ZCCHC7: variants seen among roughly 807,000 people sequenced by gnomAD.
The protein encoded by ZCCHC7 is zinc finger CCHC domain-containing protein 7.
Under a neutral mutation model 52.0 loss-of-function variants are expected in ZCCHC7, and 35 were observed. The observed-to-expected ratio is 0.67, with a 90% CI of 0.51 to 0.89. The LOEUF (loss-of-function observed/expected upper bound fraction) is 0.89, where lower values mean the gene tolerates loss of function less well. Ranked by LOEUF, ZCCHC7 falls within the 40% of genes least tolerant of loss-of-function variation. The pLI, the probability that ZCCHC7 is intolerant of heterozygous loss-of-function variation, is 0.00. For synonymous variants in ZCCHC7, 217 were observed against 221.5 expected (o/e 0.98, Z 0.18); for missense variants, 574 against 649.1 (o/e 0.88, Z 1.26).
intron 6 of ZCCHC7, among the ~76,000 whole-genome samples, chr9:37,330,544 A>G (rs1830413522): frequency 6.6e-6 from 1 of 151,644 alleles, no homozygotes; most frequent in Admixed American, 6.6e-5. Flanking sequence ...GAGACCATGA[A>G]AAAAAGAAAA....
intron 2 of ZCCHC7, among the ~76,000 whole-genome samples, chr9:37,279,604 A>T (rs1827853242): frequency 6.6e-6 from 1 of 152,012 alleles, no homozygotes; most frequent in African/African-American, 2.4e-5. Context: ...TATGCCTGTA[A>T]TCCTAGCACT....
At chr9:37,224,331 A>G (rs1824984686) in intron 2 of ZCCHC7, among the ~76,000 whole-genome samples, 1 of 152,144 alleles carries the variant, frequency 6.6e-6, no homozygotes, top group African/African-American at 2.4e-5. Flanking sequence ...CAACTATCCC[A>G]GGAATTGGAA....
intron 2 of ZCCHC7, among the ~76,000 whole-genome samples, chr9:37,301,233 G>C (rs1181474716): frequency 6.6e-6 from 1 of 152,212 alleles, no homozygotes; most frequent in Non-Finnish European, 1.5e-5. Flanking sequence ...CTGGAGAAAA[G>C]ATAAGGTTTA....
chr9:37,145,570 G>C lies in ZCCHC7; in HGVS notation c.610+18628G>C, dbSNP rs1671798323. ...AGTTCTGGGATAAAGATAGTTGTCA[G>C]GTGTAAACAAGCCTTAATTGAAAAG... On this transcript the variant is annotated intron_variant, in intron 2 of 8. Transcript: ENST00000336755. 2.0e-5 allele frequency among the ~76,000 whole-genome samples: 3 copies of C among 151,956 alleles called. No homozygotes were observed. The South Asian group carries it at 6.2e-4, about 32-fold the overall frequency.
chr9:37,243,447 C>A (rs1411307557), intron 2 of ZCCHC7, among the ~76,000 whole-genome samples: 3 of 151,750 alleles, frequency 2.0e-5, no homozygotes, highest in Non-Finnish European at 4.4e-5. Context: ...TTGGCAAAAT[C>A]TTACTTTTTG....
intron 2 of ZCCHC7, among the ~76,000 whole-genome samples, chr9:37,290,489 G>A (rs1372408421): frequency 6.6e-6 from 1 of 151,948 alleles, no homozygotes; most frequent in Non-Finnish European, 1.5e-5. Context: ...ATCCCCATCT[G>A]TACAAAAAAT....
intron 2 of ZCCHC7, chr9:37,147,506 C>T (rs903867226): frequency 6.6e-6 from 1 of 150,728 alleles, no homozygotes; most frequent in African/African-American, 2.4e-5. Flanking sequence ...AAACAAATCC[C>T]AAGAAAATAA....
intron 2 of ZCCHC7, among the ~76,000 whole-genome samples, chr9:37,164,075 A>C (rs1479345094): frequency 1.0e-4 from 15 of 150,426 alleles, no homozygotes; most frequent in Non-Finnish European, 1.9e-4. Context: ...GATAGTGTTA[A>C]TCCTCCAACT....
intron 2 of ZCCHC7, among the ~76,000 whole-genome samples, chr9:37,171,995 A>G (rs935894442): frequency 3.3e-5 from 5 of 152,278 alleles, no homozygotes; most frequent in African/African-American, 1.2e-4. Flanking sequence ...TTTTTCTATC[A>G]AATTCATTAA....
chr9:37,301,416 G>A (rs1829025410), intron 2 of ZCCHC7, among the ~76,000 whole-genome samples: 1 of 152,130 alleles, frequency 6.6e-6, no homozygotes, highest in Admixed American at 6.5e-5. Context: ...GGGTGACATG[G>A]TGAAACCCTG....
At position 37,306,762 on chromosome 9, in the gene ZCCHC7, C is replaced by CTTTTTTTTTTT. The variant is rs869292704; in HGVS notation, c.951+1080_951+1090dup. 2.5e-4 allele frequency among the ~76,000 whole-genome samples: 13 copies of CTTTTTTTTTTT among 52,032 alleles called. 2 individuals carry two copies. Among genetic ancestry groups the CTTTTTTTTTTT allele is most frequent in the East Asian group, 1.4e-3 (2 of 1,458 alleles). The allele number at this position is 52,032 out of a possible 152,430, so 34.1% of individuals were successfully genotyped here. A position where few individuals can be genotyped will look rare whatever the true frequency, so the allele number is the denominator to read the frequency against. On this transcript the variant is annotated intron_variant, in intron 5 of 8. Transcript: ENST00000336755. ...ACAGGCATGAGCCACTGTACCCGAC[C>CTTTTTTTTTTT]TTTTTTTTTTTTTTTTTTTTTTTTT...
At chr9:37,212,026 CAAAAAAAAAAAAAAAAAAA>C (rs574190937) in intron 2 of ZCCHC7, among the ~76,000 whole-genome samples, 37 of 55,426 alleles carry the variant, frequency 6.7e-4, no homozygotes, top group East Asian at 4.2e-3. Context: ...GACTCCGTCT[CAAAAAAAAAAAAAAAAAAA>C]AAAAAAAAAA....
At chr9:37,320,943 T>G (rs1830021989) in intron 5 of ZCCHC7, among the ~76,000 whole-genome samples, 1 of 151,788 alleles carries the variant, frequency 6.6e-6, no homozygotes, top group Admixed American at 6.6e-5. Flanking sequence ...ATTAAGTATT[T>G]GTTATTTATG....
Position 37,293,968 on chromosome 9 carries a change from C to T in ZCCHC7, c.611-8220C>T, listed in dbSNP as rs879253268. Among the ~76,000 whole-genome samples the T allele has an allele frequency of 3.9e-5, 6 of 152,114 alleles. 1 individual carries two copies. Among genetic ancestry groups the T allele is most frequent in the Admixed American group, 3.9e-4 (6 of 15,270 alleles). On this transcript the variant is annotated intron_variant, in intron 2 of 8. Coordinates refer to ENST00000336755, the MANE Select transcript of ZCCHC7 (RefSeq NM_032226.3). ...ACATGTTAAAAATAAAAAATTGTTTCTGGTAAATTTAATATGATTTAAAAT... is the reference window on the plus strand; with the variant it reads ...ACATGTTAAAAATAAAAAATTGTTTTTGGTAAATTTAATATGATTTAAAAT...
intron 2 of ZCCHC7, among the ~76,000 whole-genome samples, chr9:37,190,214 A>T (rs1475061270): frequency 1.3e-5 from 2 of 152,102 alleles, no homozygotes; most frequent in South Asian, 4.2e-4. Context: ...TGCAGACCCC[A>T]CTGCTGCTGC....
intron 5 of ZCCHC7, chr9:37,327,179 G>C (rs2118151234): frequency 6.6e-6 from 1 of 152,152 alleles, no homozygotes; most frequent in African/African-American, 2.4e-5. Context: ...TCTTTTACAA[G>C]ATTATCGACG....
At chr9:37,293,717 A>G (rs962485856) in intron 2 of ZCCHC7, among the ~76,000 whole-genome samples, 1 of 152,044 alleles carries the variant, frequency 6.6e-6, no homozygotes, top group Non-Finnish European at 1.5e-5. Flanking sequence ...GTCATTTTAA[A>G]TTTCTGAATA....
rs1269354366 is a variant in ZCCHC7, at chr9:37,354,746, G to A, written c.1120G>A (p.Val374Ile). The A allele has an allele frequency of 3.7e-6, 6 of 1,613,308 alleles. No homozygotes were observed. The highest frequency in any genetic ancestry group is 5.1e-6 in the Non-Finnish European group (6 of 1,179,348). Residue 374 changes from valine (V) to isoleucine (I), a missense_variant, in exon 8 of 9, where the codon GTA (valine) becomes ATA (isoleucine). Physicochemically the swap from Val to Ile is conservative, Grantham distance 29. Transcript: ENST00000336755. The surrounding 1 kb of genome is among the most constrained non-coding windows in gnomAD (Gnocchi z 4.0). ...AAGAGAAGTGTATGACCCGTCTCCA[G>A]TATCTCCATTCATCTGCTACTATGA... ...PEREVYDPSPVSPFICYYDDK... is the reference protein window; with the variant it reads ...PEREVYDPSPISPFICYYDDK...
rs144112815 is a variant in ZCCHC7, at chr9:37,150,478, G to T, written c.610+23536G>T. The stretch of plus-strand genomic sequence containing the variant: ...TTAACCCATTGTTCTTTTCTATGGT[G>T]ACAGTGATTGCCCTTGATGTATTCT... On this transcript the variant is annotated intron_variant, in intron 2 of 8. Coordinates refer to ENST00000336755, the MANE Select transcript of ZCCHC7 (RefSeq NM_032226.3). Among the ~76,000 whole-genome samples the T allele has an allele frequency of 1.8e-3, 279 of 152,306 alleles. 3 individuals are homozygous for T. In the South Asian group the frequency reaches 0.02, roughly 11 times the overall value.
Sources: gnomAD v4.1 joint callset for allele counts (sites outside exome capture counted in the v4.1 genomes callset) on GRCh38, gnomAD v4.1.1 for gene constraint, Gnocchi (gnomAD v3.1) non-coding constraint, MANE v1.5 for transcripts, NCBI Gene and HGNC (gene_info 2026-07-23, HGNC 2026-07-21) for gene names.